AKAP1: variants seen among roughly 807,000 people sequenced by gnomAD.
The protein encoded by AKAP1 is A-kinase anchor protein 1, mitochondrial.
A neutral mutation model predicts 79.8 loss-of-function variants in AKAP1; 32 were observed. The observed-to-expected ratio is 0.40, with a 90% confidence interval of 0.30 to 0.54. The LOEUF (loss-of-function observed/expected upper bound fraction) is 0.54, where lower values mean the gene tolerates loss of function less well. AKAP1 is among the 20% of genes least tolerant of loss of function. The probability of loss-of-function intolerance (pLI) is 0.47; values close to 1 mark genes in which losing one functional copy is unlikely to be tolerated. For synonymous variants in AKAP1, 416 were observed against 466.7 expected (o/e 0.89, Z 1.40); for missense variants, 961 against 1,138.9 (o/e 0.84, Z 2.25).
At chr17:57,111,012 C>T (rs3094438) in intron 3 of AKAP1, among the ~76,000 whole-genome samples, 1 of 151,740 alleles carries the variant, frequency 6.6e-6, no homozygotes, top group African/African-American at 2.4e-5. Flanking sequence ...TGTTTTGACC[C>T]TGGGTTGCGA....
At chr17:57,103,073 G>C (rs1360431775) in intron 1 of AKAP1, among the ~76,000 whole-genome samples, 1 of 152,112 alleles carries the variant, frequency 6.6e-6, no homozygotes, top group Non-Finnish European at 1.5e-5. Flanking sequence ...CGAGATAAAA[G>C]GAAAACAATC....
intron 5 of AKAP1, among the ~76,000 whole-genome samples, chr17:57,113,287 G>C (rs1355750126): frequency 6.6e-6 from 1 of 152,170 alleles, no homozygotes; most frequent in Non-Finnish European, 1.5e-5. Flanking sequence ...TTATCTCACT[G>C]GGAGTAGAAT....
Position 57,120,392 on chromosome 17 carries a change from A to G in AKAP1, c.*68A>G. On this transcript the variant is annotated 3_prime_UTR_variant, in exon 11 of 11. Coordinates refer to ENST00000337714, the MANE Select transcript of AKAP1 (RefSeq NM_003488.4). ...ATTGGGCTTGGCACTCAAGTCAAAG[A>G]TGAACATCGGAATAACAAACATTGT... The G allele has an allele frequency of 7.2e-7, 1 of 1,381,670 alleles. No homozygotes were observed. The highest frequency in any genetic ancestry group is 1.2e-5 in the South Asian group (1 of 82,424). 85.6% of individuals were successfully genotyped at this position (1,381,670 alleles called of 1,614,324 possible).
intron 4 of AKAP1, 47 bp downstream of exon 4, chr17:57,111,971 A>G (rs752135427): frequency 4.4e-6 from 7 of 1,585,008 alleles, no homozygotes; most frequent in East Asian, 2.3e-5. Context: ...GAAATATTAA[A>G]TAGAAGTGAA....
At chr17:57,109,153 T>C (rs1327883631) in intron 2 of AKAP1, among the ~76,000 whole-genome samples, 1 of 152,226 alleles carries the variant, frequency 6.6e-6, no homozygotes, top group Admixed American at 6.5e-5. Flanking sequence ...GGTAACCTAA[T>C]TGGTAGACTC....
chr17:57,119,194 T>G (rs1407145074), intron 10 of AKAP1, 150 bp downstream of exon 10: 1 of 835,728 alleles, frequency 1.2e-6, no homozygotes, highest in African/African-American at 1.7e-5. Context: ...ATGTCCTGAT[T>G]GGCAGTGGTG....
At chr17:57,103,804 G>T (rs1479999567) in intron 1 of AKAP1, among the ~76,000 whole-genome samples, 3 of 152,152 alleles carry the variant, frequency 2.0e-5, no homozygotes, top group Admixed American at 1.3e-4. Flanking sequence ...GCTTTGCAAA[G>T]AACTTTCTAT....
At position 57,110,107 on chromosome 17, in the gene AKAP1, C is replaced by G. The variant is rs924988632; in HGVS notation, c.1797C>G (p.Gly599=). The G allele has an allele frequency of 6.2e-7, 1 of 1,614,184 alleles. No individual in the cohort carries two copies. Among genetic ancestry groups the G allele is most frequent in the African/African-American group, 1.3e-5 (1 of 75,056 alleles). Residue 599 remains glycine, a synonymous_variant, in exon 3 of 11, where the codon GGC becomes GGG. Transcript: ENST00000337714. ...KTESFQNAQA[G]SNPKKVDLII... Reference sequence around the variant, plus strand: ...AGAGCTTCCAAAATGCCCAGGCAGGCTCCAACCCTAAGAAGGTCGACCTCA... The same window carrying G: ...AGAGCTTCCAAAATGCCCAGGCAGGGTCCAACCCTAAGAAGGTCGACCTCA...
At position 57,105,555 on chromosome 17, in the gene AKAP1, G is replaced by A. The variant is rs760146354; in HGVS notation, c.91G>A (p.Gly31Ser). 6.2e-7 allele frequency: 1 copy of A among 1,614,134 alleles called. No individual in the cohort carries two copies. The highest frequency in any genetic ancestry group is 1.1e-5 in the South Asian group (1 of 91,076). The change falls in exon 2 of 11, where the codon GGC becomes AGC. Residue 31 changes from glycine to serine, a missense_variant. Transcript: ENST00000337714. ...GWWWFFSRKK[G>S]HVSSHDEQQV... Reference sequence around the variant, plus strand: ...GTGGTGGTTTTTCTCTCGTAAAAAAGGCCATGTCAGCAGCCATGATGAGCA... The same window carrying A: ...GTGGTGGTTTTTCTCTCGTAAAAAAAGCCATGTCAGCAGCCATGATGAGCA...
chr17:57,120,329 C>G lies in AKAP1; in HGVS notation c.*5C>G. On this transcript the variant is annotated 3_prime_UTR_variant, in exon 11 of 11. Transcript: ENST00000337714. Reference sequence around the variant, plus strand: ...AGCTACTACACAAGCCTTTGACCCCCATGCTGCTTCCTGAGAGTCTTTTTT... The same window carrying G: ...AGCTACTACACAAGCCTTTGACCCCGATGCTGCTTCCTGAGAGTCTTTTTT... 6.2e-7 allele frequency: 1 copy of G among 1,611,042 alleles called. No individual in the cohort carries two copies. The highest frequency in any genetic ancestry group is 8.5e-7 in the Non-Finnish European group (1 of 1,179,160).
intron 1 of AKAP1, among the ~76,000 whole-genome samples, chr17:57,105,065 A>G (rs1296405554): frequency 6.6e-6 from 1 of 152,236 alleles, no homozygotes; most frequent in Non-Finnish European, 1.5e-5. Flanking sequence ...ATAGAAAAAA[A>G]TGTTCTGTGA....
intron 7 of AKAP1, among the ~76,000 whole-genome samples, 168 bp from the exon 8 acceptor site, chr17:57,116,692 G>A (rs568486718): frequency 9.2e-5 from 14 of 152,278 alleles, no homozygotes; most frequent in South Asian, 8.3e-4. Flanking sequence ...CAGCAGGGTC[G>A]GCTGGCTGTG....
intron 1 of AKAP1, among the ~76,000 whole-genome samples, chr17:57,102,475 CT>C (rs200892328): frequency 2.6e-3 from 373 of 140,936 alleles, no homozygotes; most frequent in East Asian, 7.6e-3. Flanking sequence ...ATGCCTTGAG[CT>C]TTTTTTTTTT....
chr17:57,100,428 A>AACACACACACACACAC lies in AKAP1; in HGVS notation c.-24-5010_-24-4995dup, dbSNP rs71363890. ...TGGTGTGAAACTCCATCTCTGCTAA[A>AACACACACACACACAC]ACACACACACACACACACGCACACA... On this transcript the variant is annotated intron_variant, in intron 1 of 10. Coordinates refer to ENST00000337714, the MANE Select transcript of AKAP1 (RefSeq NM_003488.4). 2.6e-3 allele frequency among the ~76,000 whole-genome samples: 387 copies of AACACACACACACACAC among 149,804 alleles called. 7 individuals are homozygous for AACACACACACACACAC. The highest frequency in any genetic ancestry group is 8.7e-3 in the African/African-American group (353 of 40,578).
rs552500861 is a variant in AKAP1, at chr17:57,104,247, A to C, written c.-24-1194A>C. Among the ~76,000 whole-genome samples, 4 of 152,304 alleles carry C rather than the reference A, an allele frequency of 2.6e-5. No individual in the cohort carries two copies. In the East Asian group the frequency reaches 5.8e-4, roughly 22 times the overall value. ...AGTGCTGGGATTTCAGGCTTCAGGC[A>C]TGAGCCACTGCGCCCAGCCTCGATT... is the stretch of plus-strand genomic sequence containing the variant. On this transcript the variant is annotated intron_variant, in intron 1 of 10. Transcript: ENST00000337714.
In AKAP1 at chr17:57,120,662, C is replaced by T; in HGVS notation, c.*338C>T. 1 of 201,298 alleles carries T rather than the reference C, an allele frequency of 5.0e-6. No individual in the cohort carries two copies. Among genetic ancestry groups the T allele is most frequent in the South Asian group, 1.4e-4 (1 of 7,390 alleles). 12.5% of individuals were successfully genotyped at this position (201,298 alleles called of 1,614,324 possible). Reference sequence around the variant, plus strand: ...CCCTCTTCTTCCTTCTATCTCCTTCCCCGGCAAAAACCAAACAAACTGGCA... The same window carrying T: ...CCCTCTTCTTCCTTCTATCTCCTTCTCCGGCAAAAACCAAACAAACTGGCA... On this transcript the variant is annotated 3_prime_UTR_variant, in exon 11 of 11. Coordinates refer to ENST00000337714, the MANE Select transcript of AKAP1 (RefSeq NM_003488.4).
chr17:57,103,286 A>T (rs1914642425), intron 1 of AKAP1, among the ~76,000 whole-genome samples: 1 of 152,210 alleles, frequency 6.6e-6, no homozygotes, highest in Non-Finnish European at 1.5e-5. Context: ...CCTTCTCACT[A>T]CCACTGCCCC....
rs201127642 is a variant in AKAP1, at chr17:57,116,208, C to T, written c.2379C>T (p.Tyr793=). 8.7e-6 allele frequency: 14 copies of T among 1,614,182 alleles called. No homozygotes were observed. Among genetic ancestry groups the T allele is most frequent in the Admixed American group, 6.7e-5 (4 of 60,026 alleles). ...YEETNEVEIR[Y]VDYGGYKRVK... Reference sequence around the variant, plus strand: ...AGACCAACGAAGTGGAGATTCGATACGTGGACTACGGCGGATATAAGAGGG... The same window carrying T: ...AGACCAACGAAGTGGAGATTCGATATGTGGACTACGGCGGATATAAGAGGG... The change falls in exon 7 of 11, where the codon TAC becomes TAT. Residue 793 remains tyrosine, a synonymous_variant. Transcript: ENST00000337714.
chr17:57,118,882 TCC>T (rs1484836168), intron 9 of AKAP1, 98 bp from the exon 10 acceptor site: 63 of 1,342,330 alleles, frequency 4.7e-5, no homozygotes, highest in East Asian at 3.9e-4. Context: ...ACCAGGTCTC[TCC>T]CTCGACACAT....
Sources: gnomAD v4.1 joint callset for allele counts (sites outside exome capture counted in the v4.1 genomes callset) on GRCh38, gnomAD v4.1.1 for gene constraint, MANE v1.5 for transcripts, NCBI Gene and HGNC (gene_info 2026-07-23, HGNC 2026-07-21) for gene names.